CACNG4: variants seen among roughly 807,000 people sequenced by gnomAD.
CACNG4 encodes the protein calcium voltage-gated channel auxiliary subunit gamma 4.
Under a neutral mutation model 22.9 loss-of-function variants are expected in CACNG4, and 8 were observed. That is an observed-to-expected ratio of 0.35 (90% CI 0.21 to 0.63). The LOEUF (loss-of-function observed/expected upper bound fraction) is 0.63, where lower values mean the gene tolerates loss of function less well. Ranked by LOEUF, CACNG4 falls within the 30% of genes least tolerant of loss-of-function variation. The pLI is 0.72. For missense variants in CACNG4, 357 were observed against 455.4 expected (o/e 0.78, Z 1.97); for synonymous variants, 188 against 191.9 (o/e 0.98, Z 0.17).
At chr17:66,982,958 T>TGCTA (rs1253584146) in intron 1 of CACNG4, among the ~76,000 whole-genome samples, 1 of 152,194 alleles carries the variant, frequency 6.6e-6, no homozygotes, top group Non-Finnish European at 1.5e-5. Context: ...GTGAGGCAGG[T>TGCTA]GCTAGCACTA....
intron 1 of CACNG4, among the ~76,000 whole-genome samples, chr17:67,016,896 G>T (rs1037998806): frequency 6.6e-6 from 1 of 151,896 alleles, no homozygotes; most frequent in Admixed American, 6.6e-5. Context: ...CTACCCAGGG[G>T]TCTGGCCCCC....
chr17:67,023,450 T>C (rs1056750702), intron 2 of CACNG4, among the ~76,000 whole-genome samples: 4 of 151,818 alleles, frequency 2.6e-5, no homozygotes, highest in Non-Finnish European at 5.9e-5. Flanking sequence ...TAATTTTTTG[T>C]ATTTTTCCTA....
At position 67,030,458 on chromosome 17, in the gene CACNG4, C is replaced by G; in HGVS notation, c.446-8C>G. The stretch of plus-strand genomic sequence containing the variant: ...GGCCCCGCTCCCCGCTCCCCGCTTC[C>G]CTTTCAGGCCTCAGTAACATCATCG... On this transcript the variant is annotated splice_region_variant and splice_polypyrimidine_tract_variant and intron_variant, in intron 3 of 3. Coordinates refer to ENST00000262138, the MANE Select transcript of CACNG4 (RefSeq NM_014405.4). This position sits in a 1 kb window ranked among gnomAD's most constrained non-coding sequence, Gnocchi z 6.4. The G allele has an allele frequency of 6.2e-7, 1 of 1,611,490 alleles. No homozygotes were observed. The highest frequency in any genetic ancestry group is 8.5e-7 in the Non-Finnish European group (1 of 1,177,924).
rs540069917 is a variant in CACNG4 at position 66,992,392 on chromosome 17, C to CCATT, written c.221-25782_221-25779dup. Among the ~76,000 whole-genome samples, 257 of 152,330 alleles carry CCATT rather than the reference C, an allele frequency of 1.7e-3. 1 individual carries two copies. Among genetic ancestry groups the CCATT allele is most frequent in the African/African-American group, 5.7e-3 (238 of 41,564 alleles). The stretch of plus-strand genomic sequence containing the variant: ...CCTATCCCCACCTATCATTCATTCA[C>CCATT]CATTCATTCATTCATTCAACCTAGC... On this transcript the variant is annotated intron_variant, in intron 1 of 3. Coordinates refer to ENST00000262138, the MANE Select transcript of CACNG4 (RefSeq NM_014405.4).
Position 67,031,781 on chromosome 17 carries a change from G to T in CACNG4, c.*777G>T, listed in dbSNP as rs1446354404. ...CTGACTGGACTTCAGAGTCTGGAGG[G>T]TTCCATCGGTCAGGGGAATGGCGGC... On this transcript the variant is annotated 3_prime_UTR_variant, in exon 4 of 4. Transcript: ENST00000262138. The surrounding 1 kb of genome is among the most constrained non-coding windows in gnomAD (Gnocchi z 4.0). 8.8e-6 allele frequency: 4 copies of T among 456,600 alleles called. No homozygotes were observed. The highest frequency in any genetic ancestry group is 1.8e-5 in the Non-Finnish European group (4 of 226,990). 28.3% of individuals were successfully genotyped at this position (456,600 alleles called of 1,614,324 possible).
intron 1 of CACNG4, among the ~76,000 whole-genome samples, chr17:66,992,376 A>G (rs1175112907): frequency 1.3e-5 from 2 of 152,164 alleles, no homozygotes; most frequent in East Asian, 3.9e-4. Context: ...TCCTATCCCC[A>G]CCTATCATTC....
intron 2 of CACNG4, among the ~76,000 whole-genome samples, chr17:67,020,717 C>T (rs2035526693): frequency 6.6e-6 from 1 of 152,206 alleles, no homozygotes; most frequent in Admixed American, 6.5e-5. Context: ...CTTTCAGAGA[C>T]AGGCCAAGGT....
At chr17:66,971,698 C>G (rs2035205834) in intron 1 of CACNG4, among the ~76,000 whole-genome samples, 1 of 152,038 alleles carries the variant, frequency 6.6e-6, no homozygotes, top group Non-Finnish European at 1.5e-5. Context: ...GAAAAAGGAC[C>G]TGGAGGGAAA....
chr17:67,021,965 A>C (rs942963497), intron 2 of CACNG4, among the ~76,000 whole-genome samples: 3 of 152,108 alleles, frequency 2.0e-5, no homozygotes, highest in African/African-American at 7.2e-5. Flanking sequence ...GCACATCCAC[A>C]GCTCAGGAAT....
chr17:66,976,942 C>T (rs1048815223), intron 1 of CACNG4, among the ~76,000 whole-genome samples: 1 of 152,210 alleles, frequency 6.6e-6, no homozygotes, highest in Non-Finnish European at 1.5e-5. Context: ...ACCAGTTCAT[C>T]CATCCAGCAA....
At chr17:67,008,398 G>T (rs891092726) in intron 1 of CACNG4, among the ~76,000 whole-genome samples, 1 of 152,122 alleles carries the variant, frequency 6.6e-6, no homozygotes, top group Admixed American at 6.5e-5. Context: ...TTTGGCACTC[G>T]GTGTGGAAGT....
At chr17:66,997,631 A>G (rs913188504) in intron 1 of CACNG4, among the ~76,000 whole-genome samples, 2 of 152,192 alleles carry the variant, frequency 1.3e-5, no homozygotes, top group African/African-American at 2.4e-5. Context: ...AGCCTGGCCA[A>G]TGTGGGGAAA....
Position 67,030,902 on chromosome 17 carries a change from C to G in CACNG4, c.882C>G (p.Pro294=), listed in dbSNP as rs748271776. 8.1e-6 allele frequency: 13 copies of G among 1,612,788 alleles called. No homozygotes were observed. The highest frequency in any genetic ancestry group is 8.0e-5 in the African/African-American group (6 of 74,932). The stretch of plus-strand genomic sequence containing the variant: ...TGACCACCGCAGCCAGCTACAGCCC[C>G]GACCAGGAGGCCAGCTTCCTGCAGG... ...LKVTTAASYS[P]DQEASFLQVH... The change falls in exon 4 of 4, where the codon CCC becomes CCG. Residue 294 remains proline, a synonymous_variant. Coordinates refer to ENST00000262138, the MANE Select transcript of CACNG4 (RefSeq NM_014405.4). The surrounding 1 kb of genome is among the most constrained non-coding windows in gnomAD (Gnocchi z 6.4).
chr17:66,980,432 G>T (rs2035264673), intron 1 of CACNG4, among the ~76,000 whole-genome samples: 1 of 152,136 alleles, frequency 6.6e-6, no homozygotes, highest in African/African-American at 2.4e-5. Flanking sequence ...GATGGCTCAA[G>T]ATTTCTTAAT....
intron 1 of CACNG4, among the ~76,000 whole-genome samples, chr17:66,965,730 G>T (rs1749724526): frequency 6.6e-6 from 1 of 151,712 alleles, no homozygotes; most frequent in African/African-American, 2.4e-5. Context: ...GTAGGGGCGG[G>T]GGCGCGGTCG....
chr17:66,982,287 A>G (rs538200428), intron 1 of CACNG4, among the ~76,000 whole-genome samples: 11 of 151,726 alleles, frequency 7.2e-5, no homozygotes, highest in Admixed American at 7.2e-4. Flanking sequence ...TGATTGGTCC[A>G]TTTTACAGTG....
chr17:66,975,470 C>T (rs2035230692), intron 1 of CACNG4, among the ~76,000 whole-genome samples: 2 of 152,164 alleles, frequency 1.3e-5, no homozygotes, highest in African/African-American at 4.8e-5. Flanking sequence ...AGCAATTTTT[C>T]CTTCATTGTT....
intron 1 of CACNG4, among the ~76,000 whole-genome samples, chr17:66,980,893 A>G (rs1674331851): frequency 6.6e-6 from 1 of 152,190 alleles, no homozygotes; most frequent in South Asian, 2.1e-4. Context: ...TCCTGGGATT[A>G]CAGGCGTGAG....
At chr17:67,015,187 C>T (rs1169473525) in intron 1 of CACNG4, among the ~76,000 whole-genome samples, 4 of 152,182 alleles carry the variant, frequency 2.6e-5, no homozygotes, top group African/African-American at 9.7e-5. Flanking sequence ...GAATTCCGCT[C>T]AGAAATAACA....
Sources: gnomAD v4.1 joint callset for allele counts (sites outside exome capture counted in the v4.1 genomes callset) on GRCh38, gnomAD v4.1.1 for gene constraint, Gnocchi (gnomAD v3.1) non-coding constraint, MANE v1.5 for transcripts, NCBI Gene and HGNC (gene_info 2026-07-23, HGNC 2026-07-21) for gene names.